ADAMTSL1: variants seen among roughly 807,000 people sequenced by gnomAD.
The protein encoded by ADAMTSL1 is ADAMTS-like protein 1.
A neutral mutation model predicts 201.8 loss-of-function variants in ADAMTSL1; 126 were observed. The observed-to-expected ratio is 0.62, with a 90% confidence interval of 0.54 to 0.72. ADAMTSL1 has a LOEUF of 0.72. Ranked by LOEUF, ADAMTSL1 falls within the 30% of genes least tolerant of loss-of-function variation. The pLI, the probability that ADAMTSL1 is intolerant of heterozygous loss-of-function variation, is 0.00. For synonymous variants in ADAMTSL1, 1,121 were observed against 903.4 expected (o/e 1.24, Z -4.32); for missense variants, 2,679 against 2,277.8 (o/e 1.18, Z -3.59).
At chr9:18,722,401 A>C (rs761119174) in intron 15 of ADAMTSL1, among the ~76,000 whole-genome samples, 2 of 152,214 alleles carry the variant, frequency 1.3e-5, no homozygotes, top group Non-Finnish European at 2.9e-5. Flanking sequence ...GATGGAATGA[A>C]GAAATGTTGC....
intron 2 of ADAMTSL1, among the ~76,000 whole-genome samples, chr9:18,347,989 AGAAAG>A (rs1227839189): frequency 6.6e-6 from 1 of 152,222 alleles, no homozygotes; most frequent in Non-Finnish European, 1.5e-5. Context: ...AAAGGGAAGA[AGAAAG>A]GAAAGCATTG....
At chr9:18,049,850 C>A (rs1821851055) in intron 1 of ADAMTSL1, among the ~76,000 whole-genome samples, 1 of 152,286 alleles carries the variant, frequency 6.6e-6, no homozygotes, top group Middle Eastern at 3.4e-3. Flanking sequence ...GTCTCGATCT[C>A]CTGACCTCGT....
At chr9:18,717,619 T>C (rs1211517364) in intron 14 of ADAMTSL1, among the ~76,000 whole-genome samples, 2 of 152,222 alleles carry the variant, frequency 1.3e-5, no homozygotes, top group Non-Finnish European at 2.9e-5. Context: ...TTTACATTAT[T>C]GTACTCTCCA....
chr9:18,021,923 T>C (rs1049796513), intron 1 of ADAMTSL1, among the ~76,000 whole-genome samples: 3 of 152,098 alleles, frequency 2.0e-5, no homozygotes, highest in African/African-American at 4.8e-5. Flanking sequence ...GAGGTGGCTA[T>C]TGGGGATGTT....
chr9:17,922,037 T>C (rs1011124669), intron 1 of ADAMTSL1, among the ~76,000 whole-genome samples: 1 of 151,360 alleles, frequency 6.6e-6, no homozygotes, highest in East Asian at 1.9e-4. Flanking sequence ...CCTTGAAATA[T>C]CATGTGTGGT....
At chr9:18,645,248 T>C (rs186237563) in intron 7 of ADAMTSL1, among the ~76,000 whole-genome samples, 1,767 of 152,348 alleles carry the variant, frequency 0.012, 36 homozygotes, top group African/African-American at 0.04. Context: ...TGTTTTATTC[T>C]TGTAAATTTG....
At chr9:18,416,180 A>G (rs1587129731) in intron 2 of ADAMTSL1, among the ~76,000 whole-genome samples, 1 of 152,128 alleles carries the variant, frequency 6.6e-6, no homozygotes, top group East Asian at 1.9e-4. Context: ...TTAAATGCCT[A>G]TAAATGATAA....
intron 1 of ADAMTSL1, among the ~76,000 whole-genome samples, chr9:18,025,640 T>G (rs1820661784): frequency 6.6e-6 from 1 of 152,156 alleles, no homozygotes; most frequent in Non-Finnish European, 1.5e-5. Flanking sequence ...TACCATGCTG[T>G]TTTGGTTACT....
chr9:18,775,291 A>G (rs904554565), intron 17 of ADAMTSL1, among the ~76,000 whole-genome samples: 3 of 152,220 alleles, frequency 2.0e-5, no homozygotes, highest in Non-Finnish European at 4.4e-5. Context: ...ACACTAAAAT[A>G]TTGTCACTTA....
At chr9:18,173,639 AG>A (rs2132135861) in intron 2 of ADAMTSL1, among the ~76,000 whole-genome samples, 1 of 152,282 alleles carries the variant, frequency 6.6e-6, no homozygotes, top group South Asian at 2.1e-4. Flanking sequence ...TTAATTATCT[AG>A]AAGACATTGG....
intron 2 of ADAMTSL1, among the ~76,000 whole-genome samples, chr9:18,342,822 A>G (rs1419972136): frequency 6.6e-6 from 1 of 152,132 alleles, no homozygotes; most frequent in African/African-American, 2.4e-5. Flanking sequence ...TTCTGAATTT[A>G]AAAGAAACTG....
intron 23 of ADAMTSL1, among the ~76,000 whole-genome samples, chr9:18,877,754 T>C (rs888926367): frequency 1.1e-4 from 16 of 152,080 alleles, no homozygotes; most frequent in Admixed American, 7.2e-4. Context: ...GGTGTGGTAG[T>C]ATAGGGAGTA....
intron 13 of ADAMTSL1, among the ~76,000 whole-genome samples, chr9:18,701,365 T>C (rs983703596): frequency 1.3e-5 from 2 of 151,802 alleles, no homozygotes; most frequent in Admixed American, 1.3e-4. Flanking sequence ...GATCACAGGC[T>C]CACACCACCA....
intron 2 of ADAMTSL1, among the ~76,000 whole-genome samples, chr9:18,524,425 C>T (rs1176228131): frequency 6.6e-6 from 1 of 152,046 alleles, no homozygotes; most frequent in Non-Finnish European, 1.5e-5. Context: ...AATTGAATAC[C>T]CTTTATTTCT....
intron 1 of ADAMTSL1, among the ~76,000 whole-genome samples, chr9:18,133,868 AAC>A (rs1826050091): frequency 6.6e-6 from 1 of 152,194 alleles, no homozygotes; most frequent in Non-Finnish European, 1.5e-5. Flanking sequence ...TAGAATTGAA[AAC>A]ACAGCCTTAA....
intron 1 of ADAMTSL1, among the ~76,000 whole-genome samples, chr9:17,956,388 G>C (rs926797063): frequency 6.6e-6 from 1 of 152,162 alleles, no homozygotes; most frequent in Non-Finnish European, 1.5e-5. Flanking sequence ...AGAGTAGTAA[G>C]AAAGTCGGCA....
At chr9:17,982,410 C>G (rs138610673) in intron 1 of ADAMTSL1, among the ~76,000 whole-genome samples, 1 of 151,946 alleles carries the variant, frequency 6.6e-6, no homozygotes, top group African/African-American at 2.4e-5. Context: ...GTAAGGAGTT[C>G]GAGACCAGGC....
At chr9:18,723,181 C>A in intron 15 of ADAMTSL1, 1 of 709,188 alleles carries the variant, frequency 1.4e-6, no homozygotes, top group South Asian at 1.5e-5. Context: ...ACCTGATGAT[C>A]TGAGATCCCA....
intron 1 of ADAMTSL1, among the ~76,000 whole-genome samples, chr9:18,137,994 C>A (rs1401026296): frequency 6.6e-6 from 1 of 152,110 alleles, no homozygotes; most frequent in African/African-American, 2.4e-5. Flanking sequence ...CGGACCAACT[C>A]TCCAGAAGCC....
Sources: allele counts gnomAD v4.1 joint callset (sites outside exome capture counted in the v4.1 genomes callset), GRCh38; gene constraint gnomAD v4.1.1; transcripts MANE v1.5; gene names NCBI Gene and HGNC (gene_info 2026-07-23, HGNC 2026-07-21).